The following FAM47E variants were observed in gnomAD, a reference collection of about 807,000 sequenced individuals.
FAM47E encodes protein FAM47E.
Under a neutral mutation model 41.6 loss-of-function variants are expected in FAM47E, and 32 were observed. That is an observed-to-expected ratio of 0.77 (90% CI 0.58 to 1.03). The LOEUF is 1.03. Ranked by LOEUF, FAM47E falls within the 50% of genes least tolerant of loss-of-function variation. The pLI, the probability that FAM47E is intolerant of heterozygous loss-of-function variation, is 0.00. For missense variants in FAM47E, 424 were observed against 485.4 expected (o/e 0.87, Z 1.19); for synonymous variants, 184 against 188.7 (o/e 0.98, Z 0.20).
intron 1 of FAM47E, among the ~76,000 whole-genome samples, chr4:76,255,092 G>GA (rs1160244552): frequency 1.1e-4 from 16 of 152,196 alleles, no homozygotes; most frequent in African/African-American, 3.6e-4. Context: ...CACAGATCTT[G>GA]AAAAATCTGG....
At chr4:76,267,174 T>G (rs28604357) in intron 3 of FAM47E, among the ~76,000 whole-genome samples, 36,391 of 152,168 alleles carry the variant, frequency 0.24, 4,793 homozygotes, top group African/African-American at 0.34. Flanking sequence ...GCACATAGTC[T>G]GTGCTTACTG....
At chr4:76,244,134 G>A (rs2109993839) in intron 2 of FAM47E, among the ~76,000 whole-genome samples, 1 of 152,224 alleles carries the variant, frequency 6.6e-6, no homozygotes, top group South Asian at 2.1e-4. Flanking sequence ...TCTTAATCCA[G>A]TCTATCATTG....
intron 4 of FAM47E, among the ~76,000 whole-genome samples, chr4:76,270,880 C>T (rs1361646934): frequency 6.6e-6 from 1 of 152,068 alleles, no homozygotes; most frequent in African/African-American, 2.4e-5. Flanking sequence ...ATTACGTTAG[C>T]CTCGTTTTGC....
chr4:76,280,041 A>C (rs1578807724), intron 6 of FAM47E: 1 of 393,594 alleles, frequency 2.5e-6, no homozygotes, highest in Admixed American at 4.2e-5. Flanking sequence ...GCCCATCCTT[A>C]ATATGGGGAT....
chr4:76,270,008 G>T (rs1197843817), intron 4 of FAM47E, among the ~76,000 whole-genome samples: 1 of 151,968 alleles, frequency 6.6e-6, no homozygotes, highest in Non-Finnish European at 1.5e-5. Context: ...ATTTTTTTTA[G>T]TACTTTAAAC....
intron 2 of FAM47E, among the ~76,000 whole-genome samples, chr4:76,237,358 T>TG (rs1560732973): frequency 7.3e-6 from 1 of 137,080 alleles, no homozygotes; most frequent in East Asian, 3.0e-4. Context: ...AGAGTTTTTT[T>TG]TTTTTTGTTT....
chr4:76,235,312 C>A (rs930837727), intron 2 of FAM47E, among the ~76,000 whole-genome samples: 1 of 151,858 alleles, frequency 6.6e-6, no homozygotes, highest in African/African-American at 2.4e-5. Context: ...AGCGAGACTC[C>A]GTCTCAAAAA....
intron 2 of FAM47E, among the ~76,000 whole-genome samples, chr4:76,225,992 A>T (rs1223413498): frequency 6.6e-6 from 1 of 152,182 alleles, no homozygotes; most frequent in East Asian, 1.9e-4. Flanking sequence ...TGTCTGATAT[A>T]ATTTAGCTGT....
chr4:76,266,006 C>A (rs1734618908), intron 3 of FAM47E, among the ~76,000 whole-genome samples: 1 of 152,208 alleles, frequency 6.6e-6, no homozygotes, highest in African/African-American at 2.4e-5. Flanking sequence ...ACTGACCTGA[C>A]CTTAGTCAAG....
intron 1 of FAM47E, 93 bp from the exon 2 acceptor site, chr4:76,256,085 T>G (rs1212655138): frequency 7.1e-7 from 1 of 1,417,328 alleles, no homozygotes; most frequent in Admixed American, 2.6e-5. Context: ...GAGACCAGCC[T>G]TTTTACTACC....
upstream of FAM47E, among the ~76,000 whole-genome samples, chr4:76,250,828 G>A (rs1441702238): frequency 1.3e-5 from 2 of 152,080 alleles, no homozygotes; most frequent in East Asian, 3.8e-4. Flanking sequence ...ACCACCCCCG[G>A]TTCACAGCTG....
intron 1 of FAM47E, chr4:76,217,451 C>G: frequency 2.5e-6 from 1 of 403,380 alleles, no homozygotes; most frequent in East Asian, 3.5e-5. Context: ...AGATTAATGC[C>G]TCCCTCAGGC....
intron 3 of FAM47E, among the ~76,000 whole-genome samples, chr4:76,265,443 C>G (rs17236158): frequency 0.33 from 49,760 of 152,044 alleles, 9,200 homozygotes; most frequent in Admixed American, 0.4. Context: ...ACTGTCTTTG[C>G]TCTCTGTATT....
At chr4:76,268,860 A>G in intron 4 of FAM47E, 92 bp downstream of exon 4, 5 of 1,487,492 alleles carry the variant, frequency 3.4e-6, no homozygotes, top group Non-Finnish European at 4.5e-6. Flanking sequence ...GTCAAGCTCA[A>G]AGTTGCTTTT....
At chr4:76,261,267 A>G (rs1388117096) in intron 2 of FAM47E, among the ~76,000 whole-genome samples, 2 of 152,198 alleles carry the variant, frequency 1.3e-5, no homozygotes, top group African/African-American at 4.8e-5. Flanking sequence ...CAAGATGGAG[A>G]TTTCTCAAAG....
intron 4 of FAM47E, 33 bp from the exon 5 acceptor site, chr4:76,271,535 G>T (rs3733253): frequency 0.4 from 618,437 of 1,548,252 alleles, 125,850 homozygotes; most frequent in Admixed American, 0.45. Flanking sequence ...TTCACCGATT[G>T]CCCTCAATTC....
intron 7 of FAM47E, 99 bp from the exon 8 acceptor site, chr4:76,283,281 GT>G (rs1560755944): frequency 1.4e-5 from 9 of 663,302 alleles, no homozygotes; most frequent in Non-Finnish European, 2.4e-5. Flanking sequence ...ATATATTAGA[GT>G]GTGAAATTTT....
intron 3 of FAM47E, among the ~76,000 whole-genome samples, chr4:76,266,940 CT>C (rs1410929760): frequency 6.6e-6 from 1 of 152,162 alleles, no homozygotes; most frequent in African/African-American, 2.4e-5. Context: ...CCCCTTTCTT[CT>C]TTTGGGTCTT....
intron 2 of FAM47E, among the ~76,000 whole-genome samples, chr4:76,232,203 G>A (rs1461320079): frequency 6.6e-6 from 1 of 152,100 alleles, no homozygotes; most frequent in Non-Finnish European, 1.5e-5. Context: ...AAACAAGGAT[G>A]AGCAATATTC....
Sources: gnomAD v4.1 joint callset for allele counts (sites outside exome capture counted in the v4.1 genomes callset) on GRCh38, gnomAD v4.1.1 for gene constraint, MANE v1.5 for transcripts, NCBI Gene and HGNC (gene_info 2026-07-23, HGNC 2026-07-21) for gene names.